The following MAPK10 variants were observed in gnomAD, a reference collection of about 807,000 sequenced individuals.
The protein encoded by MAPK10 is JNK3 alpha protein kinase.
A neutral mutation model predicts 59.3 loss-of-function variants in MAPK10; 25 were observed. The ratio of observed to expected loss-of-function variants is 0.42; its 90% CI spans 0.31 to 0.59. MAPK10 has a LOEUF of 0.59. Ranked by LOEUF, MAPK10 falls within the 20% of genes least tolerant of loss-of-function variation. The pLI, the probability that MAPK10 is intolerant of heterozygous loss-of-function variation, is 0.15. For synonymous variants in MAPK10, 190 were observed against 200.5 expected (o/e 0.95, Z 0.44); for missense variants, 351 against 568.9 (o/e 0.62, Z 3.90).
chr4:86,512,528 G>A (rs79473069), intron 1 of MAPK10, among the ~76,000 whole-genome samples: 7,131 of 152,138 alleles, frequency 0.047, 226 homozygotes, highest in African/African-American at 0.059. Flanking sequence ...GCCTCAAAAG[G>A]TTTTAAATCT....
At chr4:86,139,996 C>G (rs113677972) in intron 4 of MAPK10, among the ~76,000 whole-genome samples, 8,891 of 138,486 alleles carry the variant, frequency 0.064, 364 homozygotes, top group Middle Eastern at 0.13. Flanking sequence ...CCATCTCACA[C>G]CAGTTAGAAT....
chr4:86,239,841 G>A (rs1034571635), intron 2 of MAPK10, among the ~76,000 whole-genome samples: 1 of 146,316 alleles, frequency 6.8e-6, no homozygotes, highest in African/African-American at 2.5e-5. Flanking sequence ...AGGGTTTTTT[G>A]TATCTCTTCT....
intron 1 of MAPK10, among the ~76,000 whole-genome samples, chr4:86,582,629 C>A (rs900331623): frequency 1.3e-5 from 2 of 152,140 alleles, no homozygotes; most frequent in Non-Finnish European, 2.9e-5. Context: ...TCTAAAAAAA[C>A]CACTTACACA....
At chr4:86,098,074 T>C (rs1212513955) in intron 9 of MAPK10, among the ~76,000 whole-genome samples, 1 of 152,084 alleles carries the variant, frequency 6.6e-6, no homozygotes, top group Non-Finnish European at 1.5e-5. Context: ...GTAATTTAAA[T>C]CAACAAAGCC....
intron 5 of MAPK10, chr4:86,106,801 A>G (rs1226502224): frequency 6.6e-6 from 1 of 152,552 alleles, no homozygotes; most frequent in East Asian, 1.9e-4. Context: ...AGGAGATAAC[A>G]TGAATAAAAC....
chr4:86,354,093 A>G (rs1384882989), intron 2 of MAPK10, among the ~76,000 whole-genome samples: 1 of 151,954 alleles, frequency 6.6e-6, no homozygotes, highest in East Asian at 1.9e-4. Flanking sequence ...TTATTTCAGA[A>G]GAGCTAAATT....
intron 1 of MAPK10, among the ~76,000 whole-genome samples, chr4:86,440,407 G>A (rs1325950796): frequency 6.6e-6 from 1 of 152,132 alleles, no homozygotes; most frequent in African/African-American, 2.4e-5. Context: ...GGATGAGGCA[G>A]GAATATCTTT....
chr4:86,085,632 T>C (rs1378774210), intron 9 of MAPK10, among the ~76,000 whole-genome samples: 1 of 152,150 alleles, frequency 6.6e-6, no homozygotes, highest in African/African-American at 2.4e-5. Context: ...AAGGGAACAC[T>C]TGCACATTCC....
intron 1 of MAPK10, among the ~76,000 whole-genome samples, chr4:86,372,815 G>T (rs1307128178): frequency 6.6e-6 from 1 of 152,160 alleles, no homozygotes; most frequent in Non-Finnish European, 1.5e-5. Flanking sequence ...AGGTGGGAAA[G>T]ATCTAAAACC....
chr4:86,205,260 T>C (rs1347957257), intron 2 of MAPK10, among the ~76,000 whole-genome samples: 1 of 151,998 alleles, frequency 6.6e-6, no homozygotes, highest in Non-Finnish European at 1.5e-5. Context: ...CATTACTTAA[T>C]GACAAAAGAG....
chr4:86,316,906 AG>A (rs2095799330), intron 2 of MAPK10, among the ~76,000 whole-genome samples: 1 of 94,170 alleles, frequency 1.1e-5, no homozygotes, highest in African/African-American at 3.3e-5. Context: ...ATTTTTCATG[AG>A]AGGGATTTTT....
At chr4:86,148,263 A>G (rs1241843145) in intron 4 of MAPK10, among the ~76,000 whole-genome samples, 2 of 152,206 alleles carry the variant, frequency 1.3e-5, no homozygotes, top group Non-Finnish European at 2.9e-5. Flanking sequence ...GTGACCCCAT[A>G]ACTGAAATGT....
intron 1 of MAPK10, among the ~76,000 whole-genome samples, chr4:86,507,655 T>TATATACATATAC (rs59148309): frequency 1.4e-5 from 1 of 71,266 alleles, no homozygotes; most frequent in Admixed American, 1.5e-4. Context: ...TATATATATA[T>TATATACATATAC]ATATATATAT....
intron 2 of MAPK10, among the ~76,000 whole-genome samples, chr4:86,288,174 T>A (rs991271689): frequency 5.3e-5 from 8 of 152,110 alleles, no homozygotes; most frequent in East Asian, 1.9e-4. Context: ...TGTTTTTTTT[T>A]AATTTTATTA....
At chr4:86,382,128 T>G (rs1323498573) in intron 1 of MAPK10, among the ~76,000 whole-genome samples, 1 of 151,950 alleles carries the variant, frequency 6.6e-6, no homozygotes, top group African/African-American at 2.4e-5. Context: ...ATGAAAAATG[T>G]CTCCAGACTC....
intron 1 of MAPK10, chr4:86,356,487 AC>A: frequency 1.1e-6 from 1 of 921,236 alleles, no homozygotes; most frequent in Non-Finnish European, 1.3e-6. Context: ...AAGAGTTTCT[AC>A]CAAGATTCAC....
chr4:86,175,582 C>T (rs577393950), intron 3 of MAPK10, among the ~76,000 whole-genome samples: 4 of 152,094 alleles, frequency 2.6e-5, no homozygotes, highest in African/African-American at 9.6e-5. Context: ...ACACCTCCCT[C>T]CTCTCTCTCT....
At chr4:86,369,658 G>A (rs908717477) in intron 1 of MAPK10, among the ~76,000 whole-genome samples, 5 of 151,994 alleles carry the variant, frequency 3.3e-5, no homozygotes, top group Non-Finnish European at 5.9e-5. Flanking sequence ...CACCTATATT[G>A]CAATGCTACA....
chr4:86,067,145 T>C (rs939930244), intron 10 of MAPK10, among the ~76,000 whole-genome samples: 8 of 152,132 alleles, frequency 5.3e-5, no homozygotes, highest in Non-Finnish European at 1.2e-4. Context: ...GTATAATATA[T>C]ATCTATTTTT....
Sources: gnomAD v4.1 joint callset for allele counts (sites outside exome capture counted in the v4.1 genomes callset) on GRCh38, gnomAD v4.1.1 for gene constraint, MANE v1.5 for transcripts, NCBI Gene and HGNC (gene_info 2026-07-23, HGNC 2026-07-21) for gene names.